Variants in FNDC3B observed in about 807,000 individuals in gnomAD.
FNDC3B encodes the protein fibronectin type III domain containing 3B, also known as fibronectin type III domain-containing protein 3B.
In FNDC3B, 12 loss-of-function variants were observed where a neutral mutation model predicts 151.5. That is an observed-to-expected ratio of 0.08 (90% CI 0.05 to 0.13). The LOEUF (loss-of-function observed/expected upper bound fraction) is 0.13. Among genes scored for constraint, FNDC3B ranks in the 10% least tolerant of loss-of-function variants. The probability of loss-of-function intolerance (pLI) is 1.00; values close to 1 mark genes in which losing one functional copy is unlikely to be tolerated. For missense variants in FNDC3B, 1,214 were observed against 1,505.3 expected (o/e 0.81, Z 3.20); for synonymous variants, 528 against 549.0 (o/e 0.96, Z 0.54).
intron 23 of FNDC3B, among the ~76,000 whole-genome samples, chr3:172,368,839 C>T (rs1317851148): frequency 4.6e-5 from 7 of 152,052 alleles, no homozygotes; most frequent in East Asian, 1.9e-4. Flanking sequence ...GGCGAAAACC[C>T]GTCTCTACTA....
chr3:172,138,156 C>G (rs1721464409), intron 3 of FNDC3B, among the ~76,000 whole-genome samples: 1 of 152,232 alleles, frequency 6.6e-6, no homozygotes, highest in African/African-American at 2.4e-5. Context: ...AGAGCTCTCT[C>G]AGACCACTGC....
At chr3:172,206,109 A>G (rs1725408614) in intron 3 of FNDC3B, among the ~76,000 whole-genome samples, 1 of 152,188 alleles carries the variant, frequency 6.6e-6, no homozygotes, top group Non-Finnish European at 1.5e-5. Context: ...GGGTAATAGT[A>G]CTATTGCCTA....
intron 4 of FNDC3B, among the ~76,000 whole-genome samples, chr3:172,238,555 T>C (rs1409685517): frequency 6.6e-6 from 1 of 152,204 alleles, no homozygotes; most frequent in African/African-American, 2.4e-5. Flanking sequence ...CATTCCTTTA[T>C]CCTAATTTTT....
chr3:172,149,894 C>T (rs779630903), intron 3 of FNDC3B, among the ~76,000 whole-genome samples: 2 of 135,808 alleles, frequency 1.5e-5, no homozygotes, highest in Non-Finnish European at 3.1e-5. Context: ...TCTCAGCTCA[C>T]TGCAACCTCC....
At chr3:172,098,016 ATT>A (rs755392197) in intron 1 of FNDC3B, among the ~76,000 whole-genome samples, 1 of 145,336 alleles carries the variant, frequency 6.9e-6, no homozygotes, top group African/African-American at 2.5e-5. Flanking sequence ...GCTGCAAGAA[ATT>A]TTTTTTTTTT....
intron 3 of FNDC3B, among the ~76,000 whole-genome samples, chr3:172,135,720 A>G (rs1356271278): frequency 1.3e-5 from 2 of 152,180 alleles, no homozygotes; most frequent in Non-Finnish European, 2.9e-5. Context: ...AGAAACTGGA[A>G]GGAAAGTCAG....
chr3:172,237,615 G>A (rs1186843074), intron 4 of FNDC3B: 4 of 152,142 alleles, frequency 2.6e-5, no homozygotes, highest in African/African-American at 9.7e-5. Flanking sequence ...GAAAAATAAA[G>A]CACCAATGGG....
chr3:172,270,655 G>C (rs932382002), intron 6 of FNDC3B, among the ~76,000 whole-genome samples: 1 of 152,098 alleles, frequency 6.6e-6, no homozygotes, highest in East Asian at 1.9e-4. Context: ...TGACTCTATT[G>C]TGTTTGTTTG....
At chr3:172,049,553 A>G (rs1429413538) in intron 1 of FNDC3B, among the ~76,000 whole-genome samples, 1 of 152,008 alleles carries the variant, frequency 6.6e-6, no homozygotes, top group Non-Finnish European at 1.5e-5. Flanking sequence ...TTGAGATAGA[A>G]TTTCGCTCTT....
At chr3:172,206,540 T>C (rs1274387770) in intron 3 of FNDC3B, among the ~76,000 whole-genome samples, 2 of 151,236 alleles carry the variant, frequency 1.3e-5, no homozygotes, top group Non-Finnish European at 2.9e-5. Context: ...GCGCCTGTAA[T>C]CCCAGCTACT....
At chr3:172,331,423 T>A (rs1406273467) in intron 13 of FNDC3B, among the ~76,000 whole-genome samples, 3 of 152,218 alleles carry the variant, frequency 2.0e-5, no homozygotes, top group Non-Finnish European at 4.4e-5. Context: ...AGTGGCGCGA[T>A]GTTGGCTCAC....
At position 172,359,560 on chromosome 3, in the gene FNDC3B, T is replaced by G. The variant is rs138185339; in HGVS notation, c.2796-3073T>G. Among the ~76,000 whole-genome samples, 28 of 152,322 alleles carry G rather than the reference T, an allele frequency of 1.8e-4. No homozygotes were observed. The East Asian group carries it at 5.2e-3, about 28-fold the overall frequency. On this transcript the variant is annotated intron_variant, in intron 22 of 25. Coordinates refer to ENST00000415807, the MANE Select transcript of FNDC3B (RefSeq NM_022763.4). ...GTTGAAGAAAGACTAAAACTTAATG[T>G]CCGGCTTAATTTCCTTTTCCTGAGA... is the stretch of plus-strand genomic sequence containing the variant.
rs192644800 is a variant in FNDC3B, at chr3:172,062,553, C to T, written c.-29+22782C>T. ...CCTGTCTTGACCTCCCAAAGTGCTGCGATTACAGGCGTGAGCCACCGCGCC... is the reference window on the plus strand; with the variant it reads ...CCTGTCTTGACCTCCCAAAGTGCTGTGATTACAGGCGTGAGCCACCGCGCC... On this transcript the variant is annotated intron_variant, in intron 1 of 25. Transcript: ENST00000415807. Among the ~76,000 whole-genome samples, 116 of 152,046 alleles carry T rather than the reference C, an allele frequency of 7.6e-4. 1 individual carries two copies. In the East Asian group the frequency reaches 0.021, roughly 28 times the overall value.
chr3:172,136,053 T>C (rs558645035), intron 3 of FNDC3B, among the ~76,000 whole-genome samples: 2 of 152,332 alleles, frequency 1.3e-5, no homozygotes, highest in East Asian at 3.9e-4. Context: ...AGCTGAGGCC[T>C]GTCGAAAAGT....
chr3:172,285,000 CT>C (rs1316659506), intron 6 of FNDC3B, among the ~76,000 whole-genome samples: 2 of 151,954 alleles, frequency 1.3e-5, no homozygotes, highest in Non-Finnish European at 2.9e-5. Context: ...TATCACTTAT[CT>C]TTTTTTGTAC....
At chr3:172,307,132 C>CT (rs2108244092) in intron 9 of FNDC3B, 1 of 495,674 alleles carries the variant, frequency 2.0e-6, no homozygotes, top group Admixed American at 3.4e-5. Context: ...TCCTGCCTAT[C>CT]TTGAAATGGA....
At chr3:172,172,776 T>C (rs1172563022) in intron 3 of FNDC3B, among the ~76,000 whole-genome samples, 1 of 152,224 alleles carries the variant, frequency 6.6e-6, no homozygotes, top group Non-Finnish European at 1.5e-5. Flanking sequence ...TATTTTCCAC[T>C]TGTTCTATTA....
At chr3:172,217,294 T>A (rs1336757590) in intron 3 of FNDC3B, among the ~76,000 whole-genome samples, 1 of 152,248 alleles carries the variant, frequency 6.6e-6, no homozygotes, top group Non-Finnish European at 1.5e-5. Context: ...AGCTTGCATT[T>A]CTGTAGCCCT....
chr3:172,365,758 GT>G lies in FNDC3B; in HGVS notation c.3008+2917del, dbSNP rs1463445616. On this transcript the variant is annotated intron_variant, in intron 23 of 25. Transcript: ENST00000415807. ...TGAAAAGAAAGCTGCTGATGTCTGA[GT>G]TTTATGGGAGTCCTAGCCAGCTGTT... Among the ~76,000 whole-genome samples, 6 of 152,296 alleles carry G rather than the reference GT, an allele frequency of 3.9e-5. No homozygotes were observed. In the East Asian group the frequency reaches 1.2e-3, roughly 29 times the overall value.
Sources: allele counts gnomAD v4.1 joint callset (sites outside exome capture counted in the v4.1 genomes callset), GRCh38; gene constraint gnomAD v4.1.1; transcripts MANE v1.5; gene names NCBI Gene and HGNC (gene_info 2026-07-23, HGNC 2026-07-21).